Variants in SETX observed in about 807,000 individuals in gnomAD.
The protein encoded by SETX is senataxin.
SETX carries 90 observed loss-of-function variants against 227.2 expected under a neutral mutation model. That is an observed-to-expected ratio of 0.40 (90% confidence interval 0.33 to 0.47). The LOEUF (loss-of-function observed/expected upper bound fraction) is 0.47. Among genes scored for constraint, SETX ranks in the 20% least tolerant of loss-of-function variants. SETX has a pLI of 0.91. For synonymous variants in SETX, 1,210 were observed against 1,113.2 expected, an observed-to-expected ratio of 1.09 and a Z score of -1.73; for missense variants, 3,052 against 3,181.5, an observed-to-expected ratio of 0.96 and a Z score of 0.98.
At chr9:132,321,088 C>T (rs552359013) in intron 10 of SETX, among the ~76,000 whole-genome samples, 1 of 152,288 alleles carries the variant, frequency 6.6e-6, no homozygotes, top group African/African-American at 2.4e-5. Flanking sequence ...ACTGAATGCT[C>T]CAACACCTCT....
Position 132,328,120 on chromosome 9 carries a change from G to A in SETX, c.3478C>T (p.Pro1160Ser), listed in dbSNP as rs1846960010. ...GGTTTTTCAGATCGTTTTCTCTTAG[G>A]CTTTTTTACTTCAATTTCACAAAAT... ...EEFCEIEVKKPKRKRSEKPMA... is the reference protein window; with the variant it reads ...EEFCEIEVKKSKRKRSEKPMA... The change falls in exon 10 of 26, where the codon CCT becomes TCT. Residue 1160 changes from proline to serine, a missense_variant. By Grantham distance (74) the Pro-to-Ser change is moderately conservative. This residue lies in a region of SETX where 1,483 missense variants were observed against 1,312.0 expected (regional missense o/e 1.13). Transcript: ENST00000224140. 4 of 1,613,976 alleles carry A rather than the reference G, an allele frequency of 2.5e-6. No homozygotes were observed. Among genetic ancestry groups the A allele is most frequent in the African/African-American group, 2.7e-5 (2 of 74,966 alleles).
At position 132,264,721 on chromosome 9, in the gene SETX, T is replaced by C. The variant is rs771189656; in HGVS notation, c.7552A>G (p.Ile2518Val). 8.7e-6 allele frequency: 14 copies of C among 1,614,072 alleles called. No homozygotes were observed. The highest frequency in any genetic ancestry group is 6.7e-5 in the Admixed American group (4 of 60,004). ...TCCTTTGAAGTAACAGTAAGAGTAATTTCCTTGGAGTCAGAGGGTGTGTGG... is the reference window on the plus strand; with the variant it reads ...TCCTTTGAAGTAACAGTAAGAGTAACTTCCTTGGAGTCAGAGGGTGTGTGG... ...LYHTPSDSKE[I>V]TLTVTSKDPE... is the part of the protein sequence containing the mutation. The change falls in exon 26 of 26, where the codon ATT (isoleucine) becomes GTT (valine). Residue 2518 changes from isoleucine to valine, a missense_variant. Physicochemically the swap from Ile to Val is conservative, Grantham distance 29 (BLOSUM62 3). Around this residue, in one of 10 missense-constraint regions of SETX, gnomAD observed 294 missense variants for 278.8 expected, o/e 1.05. Coordinates refer to ENST00000224140, the MANE Select transcript of SETX (RefSeq NM_015046.7).
At chr9:132,326,120 T>A (rs1846734151) in intron 10 of SETX, among the ~76,000 whole-genome samples, 1 of 151,884 alleles carries the variant, frequency 6.6e-6, no homozygotes, top group South Asian at 2.1e-4. Context: ...CAGGTTGGAG[T>A]GCAGTGGCGC....
intron 11 of SETX, among the ~76,000 whole-genome samples, chr9:132,310,075 A>C (rs1375361399): frequency 2.0e-5 from 3 of 152,220 alleles, no homozygotes; most frequent in Non-Finnish European, 4.4e-5. Flanking sequence ...CCTACAAATC[A>C]ACTGAAAAAA....
rs35545441 is a variant in SETX, at chr9:132,288,175, C to CA, written c.6324+60dup. 63,693 of 1,347,294 alleles carry CA rather than the reference C, an allele frequency of 0.047. 2,447 individuals carry two copies. The highest frequency in any genetic ancestry group is 0.24 in the East Asian group (9,971 of 41,418). The allele number at this position is 1,347,294 out of a possible 1,614,324, so 83.5% of individuals were successfully genotyped here. ...TGGAAGACAGAGCAAGACTCTGTCT[C>CA]AAAAAAAACTTGTTAACTAGTTCGT... On this transcript the variant is annotated intron_variant, in intron 17 of 25. Transcript: ENST00000224140.
chr9:132,324,520 C>T (rs868040086), intron 10 of SETX, among the ~76,000 whole-genome samples: 3 of 152,178 alleles, frequency 2.0e-5, no homozygotes, highest in Non-Finnish European at 4.4e-5. Flanking sequence ...AACATACTTC[C>T]CACAGTTAAC....
Position 132,263,397 on chromosome 9 carries a change from T to G in SETX, c.*842A>C, listed in dbSNP as rs1339202337. On this transcript the variant is annotated 3_prime_UTR_variant, in exon 26 of 26. Coordinates refer to ENST00000224140, the MANE Select transcript of SETX (RefSeq NM_015046.7). ...TAATCTAGCATTTGGCAACCAAATG[T>G]CTGTACCTCACCAGTCACACAAGGC... is the stretch of plus-strand genomic sequence containing the variant. 6.6e-6 allele frequency: 1 copy of G among 152,242 alleles called. No homozygotes were observed. Among genetic ancestry groups the G allele is most frequent in the Non-Finnish European group, 1.5e-5 (1 of 68,042 alleles). The allele number at this position is 152,242 out of a possible 1,614,324, so 9.4% of individuals were successfully genotyped here. A position where few individuals can be genotyped will look rare whatever the true frequency, so the allele number is the denominator to read the frequency against.
chr9:132,295,471 A>C (rs947656379), intron 15 of SETX, among the ~76,000 whole-genome samples: 8 of 152,004 alleles, frequency 5.3e-5, no homozygotes, highest in Admixed American at 3.3e-4. Flanking sequence ...TTTTTATGGC[A>C]ATCTCTGCTG....
In SETX at chr9:132,329,844, T is replaced by C. The variant is rs188247474; in HGVS notation, c.1754A>G (p.Gln585Arg). 78 of 1,614,212 alleles carry C rather than the reference T, an allele frequency of 4.8e-5. No individual in the cohort carries two copies. Among genetic ancestry groups the C allele is most frequent in the Middle Eastern group, 1.6e-4 (1 of 6,062 alleles). ...QLTSQETHEL[Q>R]SCLKQIIRNI... is the part of the protein sequence containing the mutation. Reference sequence around the variant, plus strand: ...TCTAATAATTTGCTTTAAGCAACTTTGTAGCTCATGGGTTTCCTGACTAGT... The same window carrying C: ...TCTAATAATTTGCTTTAAGCAACTTCGTAGCTCATGGGTTTCCTGACTAGT... Residue 585 changes from glutamine to arginine, a missense_variant, in exon 10 of 26, where the codon CAA becomes CGA. By Grantham distance (43) the Gln-to-Arg change is conservative. This residue lies in a region of SETX where 179 missense variants were observed against 197.1 expected (regional missense o/e 0.91). Transcript: ENST00000224140.
At chr9:132,333,383 G>GAA (rs1239660225) in intron 7 of SETX, among the ~76,000 whole-genome samples, 3 of 7,344 alleles carry the variant, frequency 4.1e-4, no homozygotes, top group African/African-American at 1.5e-3. Context: ...GTCTCAAAAA[G>GAA]AAAAAAAAAA....
At chr9:132,335,257 G>C (rs957461625) in intron 6 of SETX, among the ~76,000 whole-genome samples, 1 of 151,632 alleles carries the variant, frequency 6.6e-6, no homozygotes, top group Non-Finnish European at 1.5e-5. Context: ...CAGGCGTGGT[G>C]GCAGGCGCCT....
Position 132,326,962 on chromosome 9 carries a change from C to T in SETX, c.4636G>A (p.Gly1546Ser), listed in dbSNP as rs757735103. Residue 1546 changes from glycine to serine, a missense_variant, in exon 10 of 26, where the codon GGC becomes AGC. By Grantham distance (56) the Gly-to-Ser change is moderately conservative. Transcript: ENST00000224140. ...CAATCTTTGTACTTACACTTTGTGC[C>T]ACTCAAAGATTCCAACTGAGGCCGA... ...VSRPQLESLS[G>S]TKCKYKDCLE... 2 of 1,614,170 alleles carry T rather than the reference C, an allele frequency of 1.2e-6. No individual in the cohort carries two copies. Among genetic ancestry groups the T allele is most frequent in the South Asian group, 2.2e-5 (2 of 91,086 alleles).
chr9:132,338,207 T>C (rs1173518061), intron 5 of SETX, among the ~76,000 whole-genome samples: 1 of 150,930 alleles, frequency 6.6e-6, no homozygotes, highest in Non-Finnish European at 1.5e-5. Flanking sequence ...TTGTCCTACC[T>C]GAGCCTCCTA....
In SETX at chr9:132,336,318, G is replaced by C. The variant is rs754172842; in HGVS notation, c.696C>G (p.Thr232=). The part of the protein sequence containing the change: ...ILLPSHMYDT[T]NYKSYWLGIC... ...CACCTAACCAATAGCTTTTGTAGTT[G>C]GTAGTATCATACATGTGTGAGGGCA... The change falls in exon 6 of 26, where the codon ACC becomes ACG. Residue 232 remains threonine, a synonymous_variant. Coordinates refer to ENST00000224140, the MANE Select transcript of SETX (RefSeq NM_015046.7). 1 of 1,612,720 alleles carries C rather than the reference G, an allele frequency of 6.2e-7. No individual in the cohort carries two copies. Among genetic ancestry groups the C allele is most frequent in the Non-Finnish European group, 8.5e-7 (1 of 1,178,794 alleles).
intron 6 of SETX, among the ~76,000 whole-genome samples, chr9:132,335,200 C>G (rs954102293): frequency 9.2e-5 from 14 of 151,554 alleles, no homozygotes; most frequent in African/African-American, 2.9e-4. Flanking sequence ...ACCATCCTGG[C>G]TAACATGGTG....
intron 20 of SETX, 62 bp from the exon 21 acceptor site, chr9:132,278,319 T>TA: frequency 6.5e-7 from 1 of 1,532,456 alleles, no homozygotes. Flanking sequence ...CCCACTATTA[T>TA]AAACACAATT....
rs1419145387 is a variant in SETX, at chr9:132,329,479, T to C, written c.2119A>G (p.Ile707Val). 6 of 1,612,572 alleles carry C rather than the reference T, an allele frequency of 3.7e-6. No homozygotes were observed. The highest frequency in any genetic ancestry group is 3.3e-5 in the South Asian group (3 of 90,984). ...FTERAEDQIK[I>V]STRKQKSVKE... ...ACAGACTTCTGCTTCCTTGTACTTATTTTAATTTGATCTTCAGCTCTTTCA... is the reference window on the plus strand; with the variant it reads ...ACAGACTTCTGCTTCCTTGTACTTACTTTAATTTGATCTTCAGCTCTTTCA... The change falls in exon 10 of 26, where the codon ATA becomes GTA. Residue 707 changes from isoleucine to valine, a missense_variant. Ile to Val is a conservative substitution (Grantham distance 29, BLOSUM62 3). Coordinates refer to ENST00000224140, the MANE Select transcript of SETX (RefSeq NM_015046.7).
In SETX at chr9:132,271,376, C is replaced by T. The variant is rs530457752; in HGVS notation, c.7199+334G>A. On this transcript the variant is annotated intron_variant, in intron 24 of 25. Transcript: ENST00000224140. ...CTCAGGAGTTTGAGACCAGCCTGGG[C>T]AACCTGGCAAAACACTGTCTCTACA... Among the ~76,000 whole-genome samples the T allele has an allele frequency of 3.9e-5, 6 of 152,270 alleles. No individual in the cohort carries two copies. The East Asian group carries it at 5.8e-4, about 15-fold the overall frequency.
intron 21 of SETX, among the ~76,000 whole-genome samples, chr9:132,277,505 G>A (rs1044133109): frequency 6.6e-6 from 1 of 152,196 alleles, no homozygotes; most frequent in African/African-American, 2.4e-5. Flanking sequence ...TTGGCCAGGT[G>A]CGGTGACTCT....
Sources: gnomAD v4.1 joint callset for allele counts (sites outside exome capture counted in the v4.1 genomes callset) on GRCh38, gnomAD v4.1.1 for gene constraint, gnomAD v4.1.1 regional missense constraint, MANE v1.5 for transcripts, NCBI Gene and HGNC (gene_info 2026-07-23, HGNC 2026-07-21) for gene names.